ARHGAP8: variants seen among roughly 807,000 people sequenced by gnomAD.
ARHGAP8 encodes Rho GTPase activating protein 8.
In ARHGAP8, 62 loss-of-function variants were observed where a neutral mutation model predicts 46.1. The observed-to-expected ratio is 1.34, with a 90% CI of 1.10 to 1.66. The LOEUF is 1.66. ARHGAP8 is among the 40% of genes most tolerant of loss of function. ARHGAP8 has a pLI of 0.00. For missense variants in ARHGAP8, 923 were observed against 568.4 expected, an observed-to-expected ratio of 1.62 and a Z score of -6.34; for synonymous variants, 375 against 243.1, an observed-to-expected ratio of 1.54 and a Z score of -5.05.
intron 1 of ARHGAP8, among the ~76,000 whole-genome samples, chr22:44,778,579 T>C (rs1267294767): frequency 6.6e-6 from 1 of 152,196 alleles, no homozygotes; most frequent in Non-Finnish European, 1.5e-5. Context: ...TAGTTCTACG[T>C]TTAGTTCTTT....
chr22:44,858,121 G>A (rs2070288514), intron 10 of ARHGAP8, among the ~76,000 whole-genome samples: 1 of 152,196 alleles, frequency 6.6e-6, no homozygotes, highest in Non-Finnish European at 1.5e-5. Flanking sequence ...ATGGAATAAT[G>A]GCTTTTATTA....
chr22:44,754,338 T>TTGTGTGTGTGTGTGTGTGTGTG (rs35257490), intron 1 of ARHGAP8, among the ~76,000 whole-genome samples: 5 of 146,526 alleles, frequency 3.4e-5, no homozygotes, highest in African/African-American at 1.3e-4. Flanking sequence ...CATTGAAACT[T>TTGTGTGTGTGTGTGTGTGTGTG]TGTGTGTGTG....
chr22:44,762,746 G>A (rs1198380798), intron 1 of ARHGAP8, among the ~76,000 whole-genome samples: 5 of 151,966 alleles, frequency 3.3e-5, no homozygotes, highest in Non-Finnish European at 1.5e-5. Context: ...GTCTCACCAT[G>A]TTGGCCAGGT....
intron 11 of ARHGAP8, among the ~76,000 whole-genome samples, chr22:44,861,957 G>A (rs1264052765): frequency 6.6e-6 from 1 of 152,190 alleles, no homozygotes; most frequent in Non-Finnish European, 1.5e-5. Context: ...CGTACCGTCT[G>A]TGCTACAGCC....
At position 44,825,879 on chromosome 22, in the gene ARHGAP8, C is replaced by T. The variant is rs181069973; in HGVS notation, c.596+286C>T. Among the ~76,000 whole-genome samples, 863 of 108,402 alleles carry T rather than the reference C, an allele frequency of 8.0e-3. 14 individuals are homozygous for T. The highest frequency in any genetic ancestry group is 0.03 in the African/African-American group (804 of 26,524). The allele number at this position is 108,402 out of a possible 152,430, so 71.1% of individuals were successfully genotyped here. A position where few individuals can be genotyped will look rare whatever the true frequency, so the allele number is the denominator to read the frequency against. On this transcript the variant is annotated intron_variant, in intron 7 of 11. Transcript: ENST00000356099. The stretch of plus-strand genomic sequence containing the variant: ...CGCTGCTCGGTGCCTGGTTGGGGGG[C>T]GCGTGCTTGCTGCTCCGTGCCTCGT...
At chr22:44,767,333 T>TCC (rs144924678) in intron 1 of ARHGAP8, among the ~76,000 whole-genome samples, 3,327 of 152,128 alleles carry the variant, frequency 0.022, 70 homozygotes, top group Middle Eastern at 0.031. Context: ...ATGCTCTTTC[T>TCC]CCCCCTCTCT....
Position 44,808,360 on chromosome 22 carries a change from A to T in ARHGAP8, c.221A>T (p.Tyr74Phe). 6.2e-7 allele frequency: 1 copy of T among 1,614,260 alleles called. No homozygotes were observed. The highest frequency in any genetic ancestry group is 8.5e-7 in the Non-Finnish European group (1 of 1,180,046). Residue 74 changes from tyrosine (Y) to phenylalanine (F), a missense_variant, in exon 4 of 12, where the codon TAT (tyrosine) becomes TTT (phenylalanine). Coordinates refer to ENST00000356099, the MANE Select transcript of ARHGAP8 (RefSeq NM_181335.3). ...QYVENDYTIV[Y>F]FHYGLNSRNK... ...GTTGAGAACGATTATACCATCGTCT[A>T]TTTCCACTACGGGCTGAACAGCCGG...
intron 1 of ARHGAP8, among the ~76,000 whole-genome samples, chr22:44,757,308 G>A (rs574365984): frequency 3.4e-5 from 5 of 148,638 alleles, no homozygotes; most frequent in Non-Finnish European, 4.4e-5. Context: ...ACAGAGTTTC[G>A]CTCTTGTTGC....
chr22:44,830,069 G>A (rs577687890), intron 7 of ARHGAP8, among the ~76,000 whole-genome samples: 1 of 149,896 alleles, frequency 6.7e-6, no homozygotes, highest in Middle Eastern at 3.4e-3. Flanking sequence ...TGTCGCCCAG[G>A]CTGGAGTGCA....
At chr22:44,822,206 G>A (rs1053617684) in intron 5 of ARHGAP8, among the ~76,000 whole-genome samples, 165 bp from the exon 6 acceptor site, 8 of 152,138 alleles carry the variant, frequency 5.3e-5, no homozygotes, top group African/African-American at 1.9e-4. Context: ...CCCGGCGTGC[G>A]CTGCTTGTGT....
intron 1 of ARHGAP8, among the ~76,000 whole-genome samples, chr22:44,771,500 G>T (rs1925997762): frequency 6.6e-6 from 1 of 150,638 alleles, no homozygotes; most frequent in Non-Finnish European, 1.5e-5. Context: ...ACCCGCCTCG[G>T]CCTCCCAAAG....
chr22:44,845,155 C>G, intron 7 of ARHGAP8, 114 bp from the exon 8 acceptor site: 1 of 1,292,612 alleles, frequency 7.7e-7, no homozygotes, highest in Non-Finnish European at 1.1e-6. Flanking sequence ...TCTTCCTGGA[C>G]AGTGCCTGGG....
chr22:44,835,177 T>C (rs1480870647), intron 7 of ARHGAP8, among the ~76,000 whole-genome samples: 3 of 151,828 alleles, frequency 2.0e-5, no homozygotes, highest in Non-Finnish European at 4.4e-5. Flanking sequence ...AATACCTTCT[T>C]TTGTGTTAAA....
intron 1 of ARHGAP8, among the ~76,000 whole-genome samples, chr22:44,782,251 C>G (rs893865614): frequency 1.3e-5 from 2 of 152,130 alleles, no homozygotes; most frequent in Non-Finnish European, 1.5e-5. Flanking sequence ...GCAGGAGAAT[C>G]GCTTGAACCG....
rs148939053 is a variant in ARHGAP8 at position 44,862,288 on chromosome 22, G to A, written c.995G>A (p.Ser332Asn). Residue 332 changes from serine (S) to asparagine (N), a missense_variant, in exon 12 of 12, where the codon AGC (serine) becomes AAC (asparagine). Physicochemically the swap from Ser to Asn is conservative, Grantham distance 46. Transcript: ENST00000356099. ...GGTTTCCTCCAGGTGTCCCGGGAGA[G>A]CATCTTCAACAAAATGAACAGCTCT... ...MGFLHAVSRE[S>N]IFNKMNSSNL... The A allele has an allele frequency of 2.3e-3, 3,648 of 1,594,246 alleles. 13 individuals are homozygous for A. Among genetic ancestry groups the A allele is most frequent in the Non-Finnish European group, 2.8e-3 (3,282 of 1,164,852 alleles).
At chr22:44,820,827 C>T (rs909409554) in intron 5 of ARHGAP8, among the ~76,000 whole-genome samples, 6 of 152,170 alleles carry the variant, frequency 3.9e-5, no homozygotes, top group African/African-American at 1.4e-4. Context: ...CTCGGCCTCC[C>T]TCGGGGCTCC....
intron 10 of ARHGAP8, among the ~76,000 whole-genome samples, chr22:44,853,556 C>G (rs1267731640): frequency 6.6e-6 from 1 of 152,200 alleles, no homozygotes; most frequent in Non-Finnish European, 1.5e-5. Context: ...TCTCTTGATT[C>G]TCAGTTACAA....
chr22:44,861,050 C>G (rs1279603386), intron 11 of ARHGAP8, among the ~76,000 whole-genome samples: 1 of 152,202 alleles, frequency 6.6e-6, no homozygotes, highest in African/African-American at 2.4e-5. Context: ...GTTGCCCTAG[C>G]TGGTGTGCAC....
rs1174692545 is a variant in ARHGAP8 at position 44,851,583 on chromosome 22, G to A, written c.877+2523G>A. On this transcript the variant is annotated intron_variant, in intron 10 of 11. Transcript: ENST00000356099. ...CTCATGCCTGTAATCCCAGCACTTT[G>A]GGAGGCCAAGGCAGAAAGATCACTT... Among the ~76,000 whole-genome samples, 4 of 152,268 alleles carry A rather than the reference G, an allele frequency of 2.6e-5. No homozygotes were observed. In the East Asian group the frequency reaches 7.7e-4, roughly 29 times the overall value.
Sources: allele counts gnomAD v4.1 joint callset (sites outside exome capture counted in the v4.1 genomes callset), GRCh38; gene constraint gnomAD v4.1.1; transcripts MANE v1.5; gene names NCBI Gene and HGNC (gene_info 2026-07-23, HGNC 2026-07-21).